RNF123: variants seen among roughly 807,000 people sequenced by gnomAD.
RNF123 encodes ring finger protein 123, also known as E3 ubiquitin-protein ligase RNF123.
Under a neutral mutation model 168.5 loss-of-function variants are expected in RNF123, and 86 were observed. The observed-to-expected ratio is 0.51, with a 90% CI of 0.43 to 0.61. The LOEUF (loss-of-function observed/expected upper bound fraction) is 0.61. RNF123 is among the 20% of genes least tolerant of loss of function. The probability of loss-of-function intolerance (pLI) is 0.00; values close to 1 mark genes in which losing one functional copy is unlikely to be tolerated. For synonymous variants in RNF123, 666 were observed against 689.1 expected, an observed-to-expected ratio of 0.97 and a Z score of 0.52; for missense variants, 1,419 against 1,729.7, an observed-to-expected ratio of 0.82 and a Z score of 3.19.
rs557186157 is a variant in RNF123, at chr3:49,717,712, C to G, written c.3500+1235C>G. 3 of 592,726 alleles carry G rather than the reference C, an allele frequency of 5.1e-6. No homozygotes were observed. The African/African-American group carries it at 5.6e-5, about 11-fold the overall frequency. The allele number at this position is 592,726 out of a possible 1,614,324, so 36.7% of individuals were successfully genotyped here. A position where few individuals can be genotyped will look rare whatever the true frequency, so the allele number is the denominator to read the frequency against. ...CCGCGGGAAAGCAGGAACTAGCACACCTTGCAGGGCCTGGGGCCTTTGGGT... is the reference window on the plus strand; with the variant it reads ...CCGCGGGAAAGCAGGAACTAGCACAGCTTGCAGGGCCTGGGGCCTTTGGGT... On this transcript the variant is annotated intron_variant, in intron 35 of 38. Coordinates refer to ENST00000327697, the MANE Select transcript of RNF123 (RefSeq NM_022064.5).
intron 33 of RNF123, 31 bp from the exon 34 acceptor site, chr3:49,716,070 CA>C (rs1199850879): frequency 5.0e-6 from 8 of 1,613,416 alleles, no homozygotes; most frequent in Non-Finnish European, 6.8e-6. Context: ...TGACGCTCCC[CA>C]TCCACCAATG....
At chr3:49,705,278 C>A in intron 23 of RNF123, 96 bp downstream of exon 23, 1 of 1,422,038 alleles carries the variant, frequency 7.0e-7, no homozygotes, top group Non-Finnish European at 9.6e-7. Context: ...CCATGCCCTC[C>A]CAGCCCTGTG....
At chr3:49,718,914 G>A in intron 35 of RNF123, 3 of 1,613,778 alleles carry the variant, frequency 1.9e-6, no homozygotes, top group Non-Finnish European at 2.5e-6. Context: ...GAGTAAGCAG[G>A]TGGGTGGCGC....
chr3:49,715,896 T>C lies in RNF123; in HGVS notation c.3225T>C (p.Phe1075=), dbSNP rs1161812140. The C allele has an allele frequency of 1.2e-6, 2 of 1,614,102 alleles. No homozygotes were observed. Among genetic ancestry groups the C allele is most frequent in the Non-Finnish European group, 1.7e-6 (2 of 1,180,040 alleles). Residue 1075 remains phenylalanine, a synonymous_variant, in exon 33 of 39, where the codon TTT becomes TTC. Coordinates refer to ENST00000327697, the MANE Select transcript of RNF123 (RefSeq NM_022064.5). ...SRQLKVCATC[F]DLSVSLLRVL... ...AGCTCAAGGTATGTGCCACCTGCTT[T>C]GACCTCTCGGTCAGCCTGCTGCGTG... is the stretch of plus-strand genomic sequence containing the variant.
chr3:49,697,129 C>G lies in RNF123; in HGVS notation c.168-14C>G, dbSNP rs751354230. 8 of 1,611,788 alleles carry G rather than the reference C, an allele frequency of 5.0e-6. No individual in the cohort carries two copies. The African/African-American group carries it at 9.3e-5, about 19-fold the overall frequency. ...AGGACTTGTGGACCCCTGGCAGCCT[C>G]TCACTCTCCCCAGGAAACCCCTGAA... On this transcript the variant is annotated splice_polypyrimidine_tract_variant and intron_variant, in intron 3 of 38. Coordinates refer to ENST00000327697, the MANE Select transcript of RNF123 (RefSeq NM_022064.5).
chr3:49,713,470 G>GC (rs918821421), intron 27 of RNF123, 43 bp from the exon 28 acceptor site: 89 of 1,553,810 alleles, frequency 5.7e-5, no homozygotes, highest in Non-Finnish European at 6.3e-5. Context: ...TGCCTCTGGA[G>GC]CCCCCACTCC....
chr3:49,704,951 A>G (rs1412976072), intron 22 of RNF123, 33 bp from the exon 23 acceptor site: 13 of 1,567,888 alleles, frequency 8.3e-6, no homozygotes, highest in Non-Finnish European at 1.1e-5. Flanking sequence ...ACCCTGAGCC[A>G]GCCCTGGTCC....
chr3:49,691,864 A>G (rs538741586), intron 3 of RNF123, among the ~76,000 whole-genome samples: 1 of 152,354 alleles, frequency 6.6e-6, no homozygotes, highest in East Asian at 1.9e-4. Context: ...CTGACCTTGT[A>G]AAGAACAAAC....
At chr3:49,702,019 C>T (rs1466160237) in intron 17 of RNF123, 64 bp from the exon 18 acceptor site, 3 of 1,581,218 alleles carry the variant, frequency 1.9e-6, no homozygotes, top group Non-Finnish European at 2.6e-6. Flanking sequence ...GTGGTGGAGC[C>T]CTGGCCCAAA....
chr3:49,711,037 A>G (rs1167571143), intron 26 of RNF123, among the ~76,000 whole-genome samples: 1 of 152,186 alleles, frequency 6.6e-6, no homozygotes, highest in Non-Finnish European at 1.5e-5. Flanking sequence ...GTTCATGACC[A>G]GCCTGGGCAA....
intron 27 of RNF123, 89 bp downstream of exon 27, chr3:49,712,745 A>C: frequency 6.9e-7 from 1 of 1,447,820 alleles, no homozygotes; most frequent in Non-Finnish European, 9.7e-7. Context: ...TCTGTGGCCC[A>C]GCAACACACT....
At chr3:49,702,811 C>T (rs2054433275) in intron 20 of RNF123, 58 bp downstream of exon 20, 5 of 1,610,298 alleles carry the variant, frequency 3.1e-6, no homozygotes, top group Non-Finnish European at 4.2e-6. Flanking sequence ...CGTAGGGCAG[C>T]CCCTAATGTT....
chr3:49,715,414 C>T (rs1286811989), intron 31 of RNF123, 161 bp from the exon 32 acceptor site: 2 of 836,000 alleles, frequency 2.4e-6, no homozygotes, highest in Non-Finnish European at 3.6e-6. Context: ...CAACTAACTC[C>T]AAGGCAGCTG....
chr3:49,719,140 C>T (rs1271849310), intron 35 of RNF123: 1 of 1,613,612 alleles, frequency 6.2e-7, no homozygotes, highest in Admixed American at 1.7e-5. Context: ...CCTCAGGCCG[C>T]TGGCGTTGAC....
intron 26 of RNF123, among the ~76,000 whole-genome samples, chr3:49,710,263 A>G (rs909636480): frequency 1.1e-4 from 16 of 152,058 alleles, no homozygotes; most frequent in Admixed American, 2.0e-4. Flanking sequence ...GGCCATTTGC[A>G]TATCTTTTGT....
rs376960690 is a variant in RNF123, at chr3:49,720,912, G to A, written c.3738+18G>A. The A allele has an allele frequency of 1.4e-4, 230 of 1,613,382 alleles. No homozygotes were observed. Among genetic ancestry groups the A allele is most frequent in the Non-Finnish European group, 1.8e-4 (216 of 1,179,510 alleles). Reference sequence around the variant, plus strand: ...CCTCCCTGGTGAGTGGGAACACGGTGCACAGGTCCATGCCACTTGAATATG... The same window carrying A: ...CCTCCCTGGTGAGTGGGAACACGGTACACAGGTCCATGCCACTTGAATATG... On this transcript the variant is annotated intron_variant, in intron 37 of 38. Transcript: ENST00000327697.
intron 35 of RNF123, chr3:49,718,503 C>T (rs768952020): frequency 1.9e-6 from 3 of 1,613,110 alleles, no homozygotes; most frequent in Non-Finnish European, 2.5e-6. Context: ...GGGATCCTGG[C>T]GCCCTGAGAA....
chr3:49,691,791 G>C (rs1222571171), intron 3 of RNF123, among the ~76,000 whole-genome samples: 1 of 152,214 alleles, frequency 6.6e-6, no homozygotes, highest in Non-Finnish European at 1.5e-5. Context: ...TCCATACCCA[G>C]CATCTGCCCC....
Position 49,713,527 on chromosome 3 carries a change from C to G in RNF123, c.2689C>G (p.Leu897Val). Residue 897 changes from leucine to valine, a missense_variant, in exon 28 of 39, where the codon CTG (leucine) becomes GTG (valine). Physicochemically the swap from Leu to Val is conservative, Grantham distance 32. This residue lies in a region of RNF123 where 538 missense variants were observed against 708.8 expected (regional missense o/e 0.76). Coordinates refer to ENST00000327697, the MANE Select transcript of RNF123 (RefSeq NM_022064.5). ...MEELPGYEETLTRLAAILAKH... is the reference protein window; with the variant it reads ...MEELPGYEETVTRLAAILAKH... Reference sequence around the variant, plus strand: ...CACCCTTGCAGGCTATGAAGAGACCCTGACCCGCCTGGCTGCCATTCTCGC... The same window carrying G: ...CACCCTTGCAGGCTATGAAGAGACCGTGACCCGCCTGGCTGCCATTCTCGC... 1 of 1,610,398 alleles carries G rather than the reference C, an allele frequency of 6.2e-7. No homozygotes were observed.
Sources: gnomAD v4.1 joint callset for allele counts (sites outside exome capture counted in the v4.1 genomes callset) on GRCh38, gnomAD v4.1.1 for gene constraint, gnomAD v4.1.1 regional missense constraint, MANE v1.5 for transcripts, NCBI Gene and HGNC (gene_info 2026-07-23, HGNC 2026-07-21) for gene names.